CYFIP1: variants seen among roughly 807,000 people sequenced by gnomAD.
CYFIP1 encodes cytoplasmic FMR1-interacting protein 1.
A neutral mutation model predicts 163.5 loss-of-function variants in CYFIP1; 58 were observed. The ratio of observed to expected loss-of-function variants is 0.35; its 90% CI spans 0.29 to 0.44. The LOEUF (loss-of-function observed/expected upper bound fraction) is 0.44, where lower values mean the gene tolerates loss of function less well. Ranked by LOEUF, CYFIP1 falls within the 20% of genes least tolerant of loss-of-function variation. The probability of loss-of-function intolerance (pLI) is 1.00; values close to 1 mark genes in which losing one functional copy is unlikely to be tolerated. For missense variants in CYFIP1, 1,338 were observed against 1,653.8 expected (o/e 0.81, Z 3.31); for synonymous variants, 663 against 660.7 (o/e 1.00, Z -0.05).
chr15:22,953,251 G>A (rs533016935), intron 1 of CYFIP1, among the ~76,000 whole-genome samples: 61 of 152,274 alleles, frequency 4.0e-4, no homozygotes, highest in African/African-American at 1.3e-3. Context: ...GGGCCCTGGC[G>A]GTGTCCACTC....
chr15:22,896,016 C>A (rs544477221), intron 22 of CYFIP1, among the ~76,000 whole-genome samples: 3 of 152,114 alleles, frequency 2.0e-5, no homozygotes, highest in African/African-American at 7.2e-5. Flanking sequence ...GTGAGTACTG[C>A]GAATGTGTCA....
At position 22,923,942 on chromosome 15, in the gene CYFIP1, C is replaced by CAAAAAA. The variant is rs916058496; in HGVS notation, c.1359+2034_1359+2039dup. On this transcript the variant is annotated intron_variant, in intron 13 of 30. Coordinates refer to ENST00000617928, the MANE Select transcript of CYFIP1 (RefSeq NM_014608.6). ...GGGTGACAGAGTGAGACCTTGTCTC[C>CAAAAAA]AAAAAAAAAAAAAAAAAAAAAAACA... 4.6e-3 allele frequency among the ~76,000 whole-genome samples: 287 copies of CAAAAAA among 61,772 alleles called. 11 individuals carry two copies. Among genetic ancestry groups the CAAAAAA allele is most frequent in the South Asian group, 9.3e-3 (12 of 1,286 alleles). 40.5% of individuals were successfully genotyped at this position (61,772 alleles called of 152,430 possible).
At chr15:22,900,408 T>C (rs2060358955) in intron 22 of CYFIP1, among the ~76,000 whole-genome samples, 1 of 151,046 alleles carries the variant, frequency 6.6e-6, no homozygotes, top group South Asian at 2.1e-4. Flanking sequence ...TCTTTTTTTT[T>C]TTTTTTTTGA....
chr15:22,944,068 G>T (rs1567010218), intron 5 of CYFIP1, among the ~76,000 whole-genome samples: 1 of 151,862 alleles, frequency 6.6e-6, no homozygotes. Flanking sequence ...GTGAAACCCT[G>T]TCTCCACTAA....
chr15:22,877,873 C>A (rs139596586), intron 26 of CYFIP1, among the ~76,000 whole-genome samples: 1 of 152,246 alleles, frequency 6.6e-6, no homozygotes, highest in Non-Finnish European at 1.5e-5. Context: ...AGCTCCCAGG[C>A]GTGTCACGCC....
chr15:22,911,100 G>A (rs2060773832), intron 18 of CYFIP1, among the ~76,000 whole-genome samples: 1 of 151,942 alleles, frequency 6.6e-6, no homozygotes, highest in African/African-American at 2.4e-5. Flanking sequence ...CTGGCTACTC[G>A]GGAGGCTAAG....
intron 30 of CYFIP1, among the ~76,000 whole-genome samples, chr15:22,870,440 C>G (rs2059401965): frequency 6.6e-6 from 1 of 151,976 alleles, no homozygotes; most frequent in African/African-American, 2.4e-5. Flanking sequence ...TCCTGAGTAG[C>G]TGGGACCACA....
intron 1 of CYFIP1, among the ~76,000 whole-genome samples, chr15:22,977,708 G>A (rs2063325527): frequency 6.6e-6 from 1 of 151,968 alleles, no homozygotes; most frequent in African/African-American, 2.4e-5. Context: ...GCAGGCGCCT[G>A]TAATCCCAGC....
rs141311946 is a variant in CYFIP1 at position 22,889,763 on chromosome 15, A to G, written c.2676+3127T>C. On this transcript the variant is annotated intron_variant, in intron 23 of 30. Transcript: ENST00000617928. ...AGTGACAAAAACCTACTTTATTGTT[A>G]TGCCTAAAACAGGGATTAAAAATTT... Among the ~76,000 whole-genome samples the G allele has an allele frequency of 2.0e-5, 3 of 152,316 alleles. No individual in the cohort carries two copies. The East Asian group carries it at 5.8e-4, about 29-fold the overall frequency.
chr15:22,875,448 C>T lies in CYFIP1; in HGVS notation c.3043-177G>A, dbSNP rs116103792. 5,428 of 638,362 alleles carry T rather than the reference C, an allele frequency of 8.5e-3. 213 individuals are homozygous for T. The African/African-American group carries it at 0.087, about 10-fold the overall frequency. 39.5% of individuals were successfully genotyped at this position (638,362 alleles called of 1,614,324 possible). ...ATGCTTCCGTCTGTCCTGTCCATTC[C>T]GGCAGCCGCCAGCCATGCATGCCTA... is the stretch of plus-strand genomic sequence containing the variant. On this transcript the variant is annotated intron_variant, in intron 26 of 30. Coordinates refer to ENST00000617928, the MANE Select transcript of CYFIP1 (RefSeq NM_014608.6).
chr15:22,933,526 G>C (rs1311905108), intron 10 of CYFIP1, among the ~76,000 whole-genome samples: 2 of 151,528 alleles, frequency 1.3e-5, no homozygotes. Flanking sequence ...GTGTTAGCTA[G>C]GATGGTCTCG....
intron 6 of CYFIP1, 132 bp downstream of exon 6, chr15:22,943,041 C>T (rs2140093475): frequency 1.3e-6 from 1 of 792,260 alleles, no homozygotes; most frequent in Non-Finnish European, 2.0e-6. Context: ...ACAGCCCTGA[C>T]ACTGAGACGT....
At chr15:22,924,423 TAAGAAA>T (rs1337846910) in intron 13 of CYFIP1, among the ~76,000 whole-genome samples, 2 of 152,032 alleles carry the variant, frequency 1.3e-5, no homozygotes, top group Non-Finnish European at 2.9e-5. Context: ...GGCTCCATCT[TAAGAAA>T]AATAAAAGGA....
chr15:22,944,754 G>A lies in CYFIP1; in HGVS notation c.286-95C>T, dbSNP rs1462632245. 4.6e-6 allele frequency: 7 copies of A among 1,511,294 alleles called. No homozygotes were observed. The East Asian group carries it at 1.1e-4, about 24-fold the overall frequency. The allele number at this position is 1,511,294 out of a possible 1,614,324, so 93.6% of individuals were successfully genotyped here. On this transcript the variant is annotated intron_variant, in intron 4 of 30. Transcript: ENST00000617928. ...AGCTAGTGATCCCGCCCTGCTGTGG[G>A]GTGAGAACTGGGAGGAGAGTGGGCC...
At chr15:22,962,401 C>CT (rs397738085) in intron 1 of CYFIP1, among the ~76,000 whole-genome samples, 39,270 of 142,340 alleles carry the variant, frequency 0.28, 5,567 homozygotes, top group Non-Finnish European at 0.3. Context: ...TCTTTTTTTT[C>CT]TTTTTTTTTT....
At chr15:22,880,085 G>T (rs2059710549) in intron 25 of CYFIP1, 42 bp from the exon 26 acceptor site, 2 of 1,611,000 alleles carry the variant, frequency 1.2e-6, no homozygotes, top group Admixed American at 1.7e-5. Flanking sequence ...GACTGGAGGG[G>T]GCCGGGCCCT....
In CYFIP1 at chr15:22,916,556, G is replaced by C; in HGVS notation, c.1749C>G (p.Ser583Arg). 1 of 1,614,078 alleles carries C rather than the reference G, an allele frequency of 6.2e-7. No homozygotes were observed. The highest frequency in any genetic ancestry group is 8.5e-7 in the Non-Finnish European group (1 of 1,179,990). The change falls in exon 16 of 31, where the codon AGC becomes AGG. Residue 583 changes from serine to arginine, a missense_variant. By Grantham distance (110) the Ser-to-Arg change is moderately radical. Transcript: ENST00000617928. ...TGTCCAATATGGTGGGCCCCTCAAG[G>C]CTACTTCTCAAGGTTTTCTTGGAAC... is the stretch of plus-strand genomic sequence containing the variant. ...KSGSKKTLRSSLEGPTILDIE... is the reference protein window; with the variant it reads ...KSGSKKTLRSRLEGPTILDIE...
rs373544749 is a variant in CYFIP1, at chr15:22,875,431, G to A, written c.3043-160C>T. The stretch of plus-strand genomic sequence containing the variant: ...TTTCTGGGATGATGGAAATGCTTCC[G>A]TCTGTCCTGTCCATTCCGGCAGCCG... On this transcript the variant is annotated intron_variant, in intron 26 of 30. Coordinates refer to ENST00000617928, the MANE Select transcript of CYFIP1 (RefSeq NM_014608.6). 29 of 708,996 alleles carry A rather than the reference G, an allele frequency of 4.1e-5. No individual in the cohort carries two copies. In the East Asian group the frequency reaches 5.0e-4, roughly 12 times the overall value. The allele number at this position is 708,996 out of a possible 1,614,324, so 43.9% of individuals were successfully genotyped here.
chr15:22,870,343 G>T, intron 30 of CYFIP1, 151 bp from the exon 31 acceptor site: 1 of 853,888 alleles, frequency 1.2e-6, no homozygotes, highest in Non-Finnish European at 1.7e-6. Context: ...TTTTTTGTAA[G>T]ATAGGGTCTC....
Sources: allele counts gnomAD v4.1 joint callset (sites outside exome capture counted in the v4.1 genomes callset), GRCh38; gene constraint gnomAD v4.1.1; transcripts MANE v1.5; gene names NCBI Gene and HGNC (gene_info 2026-07-23, HGNC 2026-07-21).